Variants in LRRC25 observed in about 807,000 individuals in gnomAD.
LRRC25 encodes the protein leucine-rich repeat-containing protein 25.
In LRRC25, 5 loss-of-function variants were observed where a neutral mutation model predicts 18.8. The observed-to-expected ratio is 0.27, with a 90% CI of 0.14 to 0.56. The LOEUF is 0.56. LRRC25 is among the 20% of genes least tolerant of loss of function. The probability of loss-of-function intolerance (pLI) is 0.93; values close to 1 mark genes in which losing one functional copy is unlikely to be tolerated. For synonymous variants in LRRC25, 161 were observed against 176.8 expected, an observed-to-expected ratio of 0.91 and a Z score of 0.71; for missense variants, 341 against 389.8, an observed-to-expected ratio of 0.87 and a Z score of 1.05.
chr19:18,394,366 T>G (rs62122434), intron 1 of LRRC25, among the ~76,000 whole-genome samples: 18 of 149,758 alleles, frequency 1.2e-4, no homozygotes, highest in African/African-American at 4.4e-4. Flanking sequence ...GGTGCAGTGG[T>G]GCGATCTGGG....
intron 1 of LRRC25, among the ~76,000 whole-genome samples, chr19:18,395,370 CAA>C (rs11334806): frequency 1.9e-3 from 203 of 105,634 alleles, no homozygotes; most frequent in Middle Eastern, 5.4e-3. Flanking sequence ...GACTCCATCT[CAA>C]AAAAAAAAAA....
intron 1 of LRRC25, among the ~76,000 whole-genome samples, chr19:18,395,153 C>T (rs1462736854): frequency 6.6e-6 from 1 of 152,038 alleles, no homozygotes; most frequent in Non-Finnish European, 1.5e-5. Context: ...GGGCGGATCA[C>T]GAGGTCAGGA....
Position 18,396,320 on chromosome 19 carries a change from A to G in LRRC25, c.644T>C (p.Leu215Ser). 1 of 1,613,906 alleles carries G rather than the reference A, an allele frequency of 6.2e-7. No individual in the cohort carries two copies. Among genetic ancestry groups the G allele is most frequent in the Non-Finnish European group, 8.5e-7 (1 of 1,180,000 alleles). ...WAAQDGPKPGLGLQPRYGSRS... is the reference protein window; with the variant it reads ...WAAQDGPKPGSGLQPRYGSRS... ...GCTGCCGTACCGTGGCTGCAAGCCT[A>G]AACCGGGCTTGGGCCCATCCTGAGC... Residue 215 changes from leucine to serine, a missense_variant, in exon 1 of 2, where the codon TTA becomes TCA. By Grantham distance (145) the Leu-to-Ser change is moderately radical. Transcript: ENST00000339007.
Position 18,391,569 on chromosome 19 carries a change from A to G in LRRC25, c.*418T>C, listed in dbSNP as rs189595546. 2 of 160,546 alleles carry G rather than the reference A, an allele frequency of 1.2e-5. No homozygotes were observed. The highest frequency in any genetic ancestry group is 1.4e-5 in the Non-Finnish European group (1 of 72,222). The allele number at this position is 160,546 out of a possible 1,614,324, so 9.9% of individuals were successfully genotyped here. On this transcript the variant is annotated 3_prime_UTR_variant, in exon 2 of 2. Transcript: ENST00000339007. ...AAACAAACAAACAACAACAACAAAAAAAAACAGGGATGGGAGGTGGGGAGC... is the reference window on the plus strand; with the variant it reads ...AAACAAACAAACAACAACAACAAAAGAAAACAGGGATGGGAGGTGGGGAGC...
rs1485418781 is a variant in LRRC25, at chr19:18,397,570, C to T, written c.-607G>A. The T allele has an allele frequency of 6.5e-6, 1 of 154,868 alleles. No homozygotes were observed. The highest frequency in any genetic ancestry group is 1.4e-5 in the Non-Finnish European group (1 of 69,530). The allele number at this position is 154,868 out of a possible 1,614,324, so 9.6% of individuals were successfully genotyped here. On this transcript the variant is annotated 5_prime_UTR_variant, in exon 1 of 2. Coordinates refer to ENST00000339007, the MANE Select transcript of LRRC25 (RefSeq NM_145256.3). ...CCGCAGCGGCCACGGCCAGCACCGTCCGCAGCGCTGCTGGGGTCGCTGGCG... is the reference window on the plus strand; with the variant it reads ...CCGCAGCGGCCACGGCCAGCACCGTTCGCAGCGCTGCTGGGGTCGCTGGCG...
intron 1 of LRRC25, among the ~76,000 whole-genome samples, chr19:18,394,457 C>T (rs545579579): frequency 2.6e-5 from 4 of 152,190 alleles, no homozygotes; most frequent in South Asian, 4.1e-4. Flanking sequence ...CAGGCACCCA[C>T]GACCATGCCC....
At position 18,396,839 on chromosome 19, in the gene LRRC25, C is replaced by A. The variant is rs761784750; in HGVS notation, c.125G>T (p.Cys42Phe). 1.2e-6 allele frequency: 2 copies of A among 1,613,976 alleles called. No individual in the cohort carries two copies. Among genetic ancestry groups the A allele is most frequent in the Non-Finnish European group, 1.7e-6 (2 of 1,180,040 alleles). The change falls in exon 1 of 2, where the codon TGC (cysteine) becomes TTC (phenylalanine). Residue 42 changes from cysteine to phenylalanine, a missense_variant. Coordinates refer to ENST00000339007, the MANE Select transcript of LRRC25 (RefSeq NM_145256.3). ...CAGGCTGAGGCCACTGAAATTCAGG[C>A]ACGTGGCACTGAACTCCGCGTTCCA... ...VDWNAEFSAT[C>F]LNFSGLSLSL...
rs1021433976 is a variant in LRRC25, at chr19:18,397,243, G to C, written c.-280C>G. ...CCTTCTTCTATGTCCTGAACATTTG[G>C]GGCGCCCTCGTTGGCCAGGACGGGA... On this transcript the variant is annotated 5_prime_UTR_variant, in exon 1 of 2. Coordinates refer to ENST00000339007, the MANE Select transcript of LRRC25 (RefSeq NM_145256.3). 4.3e-6 allele frequency: 2 copies of C among 468,146 alleles called. No homozygotes were observed. Among genetic ancestry groups the C allele is most frequent in the Non-Finnish European group, 7.7e-6 (2 of 259,860 alleles). 29.0% of individuals were successfully genotyped at this position (468,146 alleles called of 1,614,324 possible). A position where few individuals can be genotyped will look rare whatever the true frequency, so the allele number is the denominator to read the frequency against.
Position 18,397,165 on chromosome 19 carries a change from C to T in LRRC25, c.-202G>A. 1 of 609,234 alleles carries T rather than the reference C, an allele frequency of 1.6e-6. No homozygotes were observed. The highest frequency in any genetic ancestry group is 2.8e-5 in the East Asian group (1 of 36,166). The allele number at this position is 609,234 out of a possible 1,614,324, so 37.7% of individuals were successfully genotyped here. A position where few individuals can be genotyped will look rare whatever the true frequency, so the allele number is the denominator to read the frequency against. Reference sequence around the variant, plus strand: ...CCCCTTCTGGGGAATGGGTAGATAACCCCAGTGCTTAGCGGGCTTGGAAGG... The same window carrying T: ...CCCCTTCTGGGGAATGGGTAGATAATCCCAGTGCTTAGCGGGCTTGGAAGG... On this transcript the variant is annotated 5_prime_UTR_variant, in exon 1 of 2. Coordinates refer to ENST00000339007, the MANE Select transcript of LRRC25 (RefSeq NM_145256.3).
intron 1 of LRRC25, among the ~76,000 whole-genome samples, chr19:18,394,453 C>T (rs1971942649): frequency 6.6e-6 from 1 of 152,058 alleles, no homozygotes; most frequent in African/African-American, 2.4e-5. Flanking sequence ...ATTACAGGCA[C>T]CCACGACCAT....
intron 1 of LRRC25, among the ~76,000 whole-genome samples, 158 bp from the exon 2 acceptor site, chr19:18,392,283 T>G (rs6512266): frequency 0.72 from 109,602 of 151,826 alleles, 39,978 homozygotes; most frequent in African/African-American, 0.82. Context: ...CCTGAGATCA[T>G]GAGTTCAAGA....
Position 18,397,339 on chromosome 19 carries a change from C to A in LRRC25, c.-376G>T. Reference sequence around the variant, plus strand: ...ATCACGCTCCCGGTATCTCCCAGAACGGCGGGTCGCTGGGAAGTCCTGGGA... The same window carrying A: ...ATCACGCTCCCGGTATCTCCCAGAAAGGCGGGTCGCTGGGAAGTCCTGGGA... On this transcript the variant is annotated 5_prime_UTR_variant, in exon 1 of 2. Coordinates refer to ENST00000339007, the MANE Select transcript of LRRC25 (RefSeq NM_145256.3). 1 of 259,228 alleles carries A rather than the reference C, an allele frequency of 3.9e-6. No homozygotes were observed. Among genetic ancestry groups the A allele is most frequent in the South Asian group, 6.1e-5 (1 of 16,408 alleles). The allele number at this position is 259,228 out of a possible 1,614,324, so 16.1% of individuals were successfully genotyped here. A position where few individuals can be genotyped will look rare whatever the true frequency, so the allele number is the denominator to read the frequency against.
chr19:18,395,784 G>T (rs1331642205), intron 1 of LRRC25, among the ~76,000 whole-genome samples: 2 of 152,162 alleles, frequency 1.3e-5, no homozygotes, highest in African/African-American at 4.8e-5. Context: ...GCAATGGCAT[G>T]AACTTGGCTC....
chr19:18,395,508 G>C (rs1384738653), intron 1 of LRRC25, among the ~76,000 whole-genome samples: 1 of 152,078 alleles, frequency 6.6e-6, no homozygotes, highest in Non-Finnish European at 1.5e-5. Context: ...AGACAGCCTT[G>C]GGTCACATGG....
Position 18,396,637 on chromosome 19 carries a change from G to T in LRRC25, c.327C>A (p.Asp109Glu). ...RVDGALAARC[D>E]LDLQADCNCA... ...AGTTGCAGTCGGCCTGCAGGTCAAGGTCACAGCGGGCGGCCAGCGCCCCAT... is the reference window on the plus strand; with the variant it reads ...AGTTGCAGTCGGCCTGCAGGTCAAGTTCACAGCGGGCGGCCAGCGCCCCAT... Residue 109 changes from aspartate (D) to glutamate (E), a missense_variant, in exon 1 of 2, where the codon GAC becomes GAA. Transcript: ENST00000339007. 1 of 1,614,094 alleles carries T rather than the reference G, an allele frequency of 6.2e-7. No homozygotes were observed. Among genetic ancestry groups the T allele is most frequent in the Non-Finnish European group, 8.5e-7 (1 of 1,180,042 alleles).
At chr19:18,394,227 AG>A (rs1175462546) in intron 1 of LRRC25, among the ~76,000 whole-genome samples, 2 of 151,906 alleles carry the variant, frequency 1.3e-5, no homozygotes, top group Non-Finnish European at 2.9e-5. Context: ...TCTGCCCCTG[AG>A]GGTCCCACCC....
chr19:18,396,334 C>T lies in LRRC25; in HGVS notation c.630G>A (p.Gly210=). The change falls in exon 1 of 2, where the codon GGG becomes GGA. Residue 210 remains glycine (G), a synonymous_variant. Coordinates refer to ENST00000339007, the MANE Select transcript of LRRC25 (RefSeq NM_145256.3). ...GCTGCAAGCCTAAACCGGGCTTGGG[C>T]CCATCCTGAGCAGCCCAGGGTTTGT... The part of the protein sequence containing the change: ...ELNKPWAAQD[G]PKPGLGLQPR... The T allele has an allele frequency of 1.9e-6, 3 of 1,613,848 alleles. No individual in the cohort carries two copies. The highest frequency in any genetic ancestry group is 2.5e-6 in the Non-Finnish European group (3 of 1,180,006).
At chr19:18,395,495 C>T (rs972672970) in intron 1 of LRRC25, among the ~76,000 whole-genome samples, 3 of 152,056 alleles carry the variant, frequency 2.0e-5, no homozygotes, top group African/African-American at 7.2e-5. Context: ...AATGGAGGTT[C>T]AGAGACAGCC....
chr19:18,396,196 C>A lies in LRRC25; in HGVS notation c.768G>T (p.Trp256Cys). ...AGTGGCTTACTTACCCTTGTTCATC[C>A]CACTGGTGCTCGGCTGCTGGCTGGC... is the stretch of plus-strand genomic sequence containing the variant. ...FVGQPAAEHQ[W>C]DEQGAHPSED... Residue 256 changes from tryptophan (W) to cysteine (C), a missense_variant, in exon 1 of 2, where the codon TGG (tryptophan) becomes TGT (cysteine). Coordinates refer to ENST00000339007, the MANE Select transcript of LRRC25 (RefSeq NM_145256.3). 6.3e-7 allele frequency: 1 copy of A among 1,598,162 alleles called. No individual in the cohort carries two copies. The highest frequency in any genetic ancestry group is 8.6e-7 in the Non-Finnish European group (1 of 1,168,538).
Sources: allele counts gnomAD v4.1 joint callset (sites outside exome capture counted in the v4.1 genomes callset), GRCh38; gene constraint gnomAD v4.1.1; transcripts MANE v1.5; gene names NCBI Gene and HGNC (gene_info 2026-07-23, HGNC 2026-07-21).